The following RPH3A variants were observed in gnomAD, a reference collection of about 807,000 sequenced individuals.
RPH3A encodes rabphilin 3A.
A neutral mutation model predicts 102.2 loss-of-function variants in RPH3A; 48 were observed. The observed-to-expected ratio is 0.47, with a 90% confidence interval of 0.37 to 0.60. The LOEUF (loss-of-function observed/expected upper bound fraction) is 0.60, where lower values mean the gene tolerates loss of function less well. Among genes scored for constraint, RPH3A ranks in the 20% least tolerant of loss-of-function variants. The probability of loss-of-function intolerance (pLI) is 0.00; values close to 1 mark genes in which losing one functional copy is unlikely to be tolerated. For synonymous variants in RPH3A, 310 were observed against 324.3 expected (o/e 0.96, Z 0.47); for missense variants, 781 against 910.1 (o/e 0.86, Z 1.83).
At chr12:112,832,937 CTTTT>C (rs71086121) in intron 3 of RPH3A, among the ~76,000 whole-genome samples, 4 of 131,766 alleles carry the variant, frequency 3.0e-5, no homozygotes, top group Non-Finnish European at 3.2e-5. Flanking sequence ...TTATTTCACT[CTTTT>C]TTTTTTTTTT....
At chr12:112,874,770 A>G (rs1206717712) in intron 10 of RPH3A, 3 of 305,626 alleles carry the variant, frequency 9.8e-6, no homozygotes, top group Non-Finnish European at 1.8e-5. Context: ...CTAAGTGATT[A>G]TCTCCATATA....
intron 1 of RPH3A, among the ~76,000 whole-genome samples, chr12:112,740,357 T>C (rs2040700390): frequency 6.6e-6 from 1 of 152,196 alleles, no homozygotes; most frequent in African/African-American, 2.4e-5. Context: ...GAGAGCTTTA[T>C]TTTGTTTCAC....
At chr12:112,655,505 CTAGGTCAA>C (rs1453547741) in intron 1 of RPH3A, among the ~76,000 whole-genome samples, 1 of 147,472 alleles carries the variant, frequency 6.8e-6, no homozygotes, top group African/African-American at 2.5e-5. Flanking sequence ...GGTCTTCAAT[CTAGGTCAA>C]TAGAAGTTTC....
chr12:112,735,159 G>A (rs937644438), intron 1 of RPH3A, among the ~76,000 whole-genome samples: 6 of 152,120 alleles, frequency 3.9e-5, no homozygotes, highest in Admixed American at 3.3e-4. Context: ...TAACAGCCTC[G>A]GGAAAATCGC....
intron 5 of RPH3A, among the ~76,000 whole-genome samples, chr12:112,848,678 A>G (rs2042272683): frequency 1.3e-5 from 2 of 152,180 alleles, no homozygotes; most frequent in African/African-American, 4.8e-5. Context: ...GGGTGGGGAT[A>G]ATGAAAACAT....
At chr12:112,814,216 T>C (rs2041632421) in intron 2 of RPH3A, among the ~76,000 whole-genome samples, 1 of 152,038 alleles carries the variant, frequency 6.6e-6, no homozygotes, top group Non-Finnish European at 1.5e-5. Context: ...ACTTCAGCTT[T>C]CTGTTATGTA....
intron 1 of RPH3A, among the ~76,000 whole-genome samples, chr12:112,727,745 G>C (rs927806081): frequency 1.3e-5 from 2 of 152,092 alleles, no homozygotes; most frequent in Non-Finnish European, 2.9e-5. Context: ...TGATTATATA[G>C]TTTGTGTTCC....
intron 1 of RPH3A, among the ~76,000 whole-genome samples, chr12:112,664,873 A>G (rs555589070): frequency 1.3e-5 from 2 of 151,580 alleles, no homozygotes; most frequent in South Asian, 4.2e-4. Context: ...TCTATATCAC[A>G]GAAGGCTCCT....
At chr12:112,839,724 A>G (rs994431686) in intron 4 of RPH3A, among the ~76,000 whole-genome samples, 4 of 152,248 alleles carry the variant, frequency 2.6e-5, no homozygotes, top group Non-Finnish European at 5.9e-5. Context: ...GTGGTGGCTC[A>G]TGCCCAGAAT....
intron 1 of RPH3A, among the ~76,000 whole-genome samples, chr12:112,646,632 A>T (rs2039933092): frequency 6.6e-6 from 1 of 152,150 alleles, no homozygotes; most frequent in Admixed American, 6.5e-5. Context: ...TTATGTGCAC[A>T]GTGAGGTTGG....
At chr12:112,685,452 G>C (rs1307439529) in intron 1 of RPH3A, among the ~76,000 whole-genome samples, 1 of 152,160 alleles carries the variant, frequency 6.6e-6, no homozygotes, top group Non-Finnish European at 1.5e-5. Context: ...TTTTCTCACT[G>C]CTGGGAAGAA....
chr12:112,755,298 T>TATACACAC (rs1489083022), intron 1 of RPH3A, among the ~76,000 whole-genome samples: 103 of 145,882 alleles, frequency 7.1e-4, no homozygotes, highest in African/African-American at 1.5e-3. Flanking sequence ...TATATGTATA[T>TATACACAC]ACACACACAC....
intron 1 of RPH3A, chr12:112,651,632 A>C (rs1026972960): frequency 2.0e-5 from 3 of 152,226 alleles, no homozygotes; most frequent in Admixed American, 2.0e-4. Context: ...AAAATATACA[A>C]TTGAGTAGCA....
At chr12:112,617,723 A>C (rs920770911) in intron 1 of RPH3A, 1 of 152,108 alleles carries the variant, frequency 6.6e-6, no homozygotes, top group Non-Finnish European at 1.5e-5. Flanking sequence ...CTTTTGAGAC[A>C]GGTTCTTGCT....
intron 1 of RPH3A, among the ~76,000 whole-genome samples, chr12:112,576,762 T>C (rs186620744): frequency 6.6e-6 from 1 of 151,898 alleles, no homozygotes; most frequent in African/African-American, 2.4e-5. Context: ...GGTGTGGCTA[T>C]ACAATAAAAA....
chr12:112,806,711 T>A (rs1481730108), intron 2 of RPH3A, among the ~76,000 whole-genome samples: 1 of 152,140 alleles, frequency 6.6e-6, no homozygotes, highest in Non-Finnish European at 1.5e-5. Context: ...CCTCATCTTC[T>A]AGTTGGTCGT....
intron 1 of RPH3A, among the ~76,000 whole-genome samples, chr12:112,710,788 T>G (rs539083151): frequency 6.6e-6 from 1 of 152,348 alleles, no homozygotes; most frequent in East Asian, 1.9e-4. Context: ...TACTTAAAAA[T>G]CTTTCCCTTC....
rs377287041 is a variant in RPH3A, at chr12:112,581,740, T to C, written c.-140+6421T>C. Among the ~76,000 whole-genome samples, 10 of 148,048 alleles carry C rather than the reference T, an allele frequency of 6.8e-5. 1 individual carries two copies. The highest frequency in any genetic ancestry group is 2.0e-4 in the East Asian group (1 of 5,116). Reference sequence around the variant, plus strand: ...TGTAATATTTCTGTTTAGTTTTCCTTCCCTCTATACCATGCCTTGGTTAGT... The same window carrying C: ...TGTAATATTTCTGTTTAGTTTTCCTCCCCTCTATACCATGCCTTGGTTAGT... On this transcript the variant is annotated intron_variant, in intron 1 of 21. Coordinates refer to the RPH3A transcript ENST00000543106.
At chr12:112,727,599 A>G (rs1389062343) in intron 1 of RPH3A, among the ~76,000 whole-genome samples, 2 of 148,964 alleles carry the variant, frequency 1.3e-5, no homozygotes, top group Admixed American at 6.7e-5. Context: ...TTTCTTTCCC[A>G]TGGAAAGAAA....
Sources: gnomAD v4.1 joint callset for allele counts (sites outside exome capture counted in the v4.1 genomes callset) on GRCh38, gnomAD v4.1.1 for gene constraint, MANE v1.5 for transcripts, NCBI Gene and HGNC (gene_info 2026-07-23, HGNC 2026-07-21) for gene names.